CSMD3: variants seen among roughly 807,000 people sequenced by gnomAD.
The protein encoded by CSMD3 is CUB and sushi domain-containing protein 3.
A neutral mutation model predicts 435.2 loss-of-function variants in CSMD3; 177 were observed. The ratio of observed to expected loss-of-function variants is 0.41; its 90% CI spans 0.36 to 0.46. CSMD3 has a LOEUF of 0.46. CSMD3 is among the 20% of genes least tolerant of loss of function. The probability of loss-of-function intolerance (pLI) is 0.34; values close to 1 mark genes in which losing one functional copy is unlikely to be tolerated. For synonymous variants in CSMD3, 1,656 were observed against 1,520.5 expected, an observed-to-expected ratio of 1.09 and a Z score of -2.07; for missense variants, 4,265 against 4,504.6, an observed-to-expected ratio of 0.95 and a Z score of 1.52.
rs561444578 is a variant in CSMD3 at position 112,552,468 on chromosome 8, G to A, written c.4361+126C>T. 126 of 947,350 alleles carry A rather than the reference G, an allele frequency of 1.3e-4. No individual in the cohort carries two copies. The South Asian group carries it at 1.8e-3, about 14-fold the overall frequency. The allele number at this position is 947,350 out of a possible 1,614,324, so 58.7% of individuals were successfully genotyped here. A position where few individuals can be genotyped will look rare whatever the true frequency, so the allele number is the denominator to read the frequency against. On this transcript the variant is annotated intron_variant, in intron 26 of 70. Coordinates refer to ENST00000297405, the MANE Select transcript of CSMD3 (RefSeq NM_198123.2). ...GCCCTGCCTTCCGGTCTGGATGTCA[G>A]AGCAAGACTCTGCCTCAAGAAAAAC...
chr8:113,139,731 C>A (rs2131724283), intron 4 of CSMD3, among the ~76,000 whole-genome samples: 1 of 151,162 alleles, frequency 6.6e-6, no homozygotes, highest in East Asian at 1.9e-4. Flanking sequence ...AATATAAAAG[C>A]TCTAAATACA....
chr8:112,401,370 G>C (rs1294606015), intron 35 of CSMD3, among the ~76,000 whole-genome samples: 1 of 151,320 alleles, frequency 6.6e-6, no homozygotes, highest in Non-Finnish European at 1.5e-5. Context: ...TAATGTGACA[G>C]ATCATTTCTC....
chr8:112,314,555 G>T lies in CSMD3; in HGVS notation c.7423C>A (p.Pro2475Thr), dbSNP rs753434394. The change falls in exon 48 of 71, where the codon CCT (proline) becomes ACT (threonine). Residue 2475 changes from proline (P) to threonine (T), a missense_variant. Physicochemically the swap from Pro to Thr is conservative, Grantham distance 38. Coordinates refer to ENST00000297405, the MANE Select transcript of CSMD3 (RefSeq NM_198123.2). ...ATTTGAAGATTTGGGTAACTGTCAG[G>T]ATATCCAGGGCTCAATATGACTCCA... Reference protein sequence around the residue: ...STGVILSPGYPDSYPNLQMCA... With the variant: ...STGVILSPGYTDSYPNLQMCA... 4 of 1,612,354 alleles carry T rather than the reference G, an allele frequency of 2.5e-6. No individual in the cohort carries two copies. The South Asian group carries it at 4.4e-5, about 18-fold the overall frequency.
At chr8:112,583,392 T>G (rs1386083262) in intron 23 of CSMD3, among the ~76,000 whole-genome samples, 1 of 151,978 alleles carries the variant, frequency 6.6e-6, no homozygotes, top group Non-Finnish European at 1.5e-5. Flanking sequence ...TCAGAGCAGA[T>G]TTTGCACTGG....
At chr8:112,262,497 G>A (rs1301006065) in intron 61 of CSMD3, among the ~76,000 whole-genome samples, 1 of 152,116 alleles carries the variant, frequency 6.6e-6, no homozygotes, top group Non-Finnish European at 1.5e-5. Flanking sequence ...AAAATGTATA[G>A]TATGTCTTAG....
At chr8:112,386,655 G>T (rs547090204) in intron 36 of CSMD3, among the ~76,000 whole-genome samples, 2 of 151,876 alleles carry the variant, frequency 1.3e-5, no homozygotes, top group South Asian at 4.2e-4. Context: ...CCGCCACCAC[G>T]CCCGGCTAAT....
chr8:112,500,314 GA>G (rs781118375), intron 30 of CSMD3, among the ~76,000 whole-genome samples: 98 of 152,078 alleles, frequency 6.4e-4, no homozygotes, highest in Non-Finnish European at 3.1e-4. Flanking sequence ...TGAATGAAAG[GA>G]ACTAGTTTTT....
In CSMD3 at chr8:112,872,231, A is replaced by T. The variant is rs766111965; in HGVS notation, c.1634-12965T>A. 8.6e-4 allele frequency among the ~76,000 whole-genome samples: 131 copies of T among 152,218 alleles called. 2 individuals carry two copies. The highest frequency in any genetic ancestry group is 3.4e-3 in the Middle Eastern group (1 of 294). On this transcript the variant is annotated intron_variant, in intron 10 of 70. Coordinates refer to ENST00000297405, the MANE Select transcript of CSMD3 (RefSeq NM_198123.2). ...TTTAACTGAACATCCCAGTCTCTACATCTTCATGAGAAACTAATAAACTGT... is the reference window on the plus strand; with the variant it reads ...TTTAACTGAACATCCCAGTCTCTACTTCTTCATGAGAAACTAATAAACTGT...
At position 112,557,073 on chromosome 8, in the gene CSMD3, C is replaced by T; in HGVS notation, c.4043-119G>A. 6.1e-6 allele frequency: 4 copies of T among 657,180 alleles called. No individual in the cohort carries two copies. The South Asian group carries it at 7.3e-5, about 12-fold the overall frequency. 40.7% of individuals were successfully genotyped at this position (657,180 alleles called of 1,614,324 possible). ...TACATACTTATTCTTAGTCATATTGCCCTTACCATATTTAATTTTCGTATC... is the reference window on the plus strand; with the variant it reads ...TACATACTTATTCTTAGTCATATTGTCCTTACCATATTTAATTTTCGTATC... On this transcript the variant is annotated intron_variant, in intron 24 of 70. Transcript: ENST00000297405.
chr8:112,901,036 A>G (rs537001512), intron 10 of CSMD3, among the ~76,000 whole-genome samples: 2 of 151,368 alleles, frequency 1.3e-5, no homozygotes, highest in African/African-American at 4.8e-5. Context: ...TACTGGAGAG[A>G]GGTGGCAGAA....
At chr8:112,517,567 C>G (rs563753062) in intron 27 of CSMD3, among the ~76,000 whole-genome samples, 1 of 148,570 alleles carries the variant, frequency 6.7e-6, no homozygotes, top group Non-Finnish European at 1.5e-5. Context: ...TCTCGAAACT[C>G]AAAAAAAAAG....
Position 112,506,690 on chromosome 8 carries a change from C to A in CSMD3, c.4895+1G>T. On this transcript the variant is annotated splice_donor_variant, in intron 29 of 70. Transcript: ENST00000297405. LOFTEE classifies it high-confidence loss of function. ...GTGGAAATAAATATATAAGAACTCA[C>A]CTGATGAACGCCAAGGAGATAACAT... The A allele has an allele frequency of 6.2e-7, 1 of 1,613,402 alleles. No individual in the cohort carries two copies. The highest frequency in any genetic ancestry group is 8.5e-7 in the Non-Finnish European group (1 of 1,179,426).
chr8:112,381,122 T>A (rs1586933083), intron 37 of CSMD3, among the ~76,000 whole-genome samples: 1 of 152,186 alleles, frequency 6.6e-6, no homozygotes, highest in Non-Finnish European at 1.5e-5. Flanking sequence ...ATATAGTCAT[T>A]GATTTCCTTT....
chr8:112,805,617 G>A (rs1473202773), intron 12 of CSMD3, among the ~76,000 whole-genome samples: 7 of 152,138 alleles, frequency 4.6e-5, no homozygotes, highest in Non-Finnish European at 8.8e-5. Flanking sequence ...TAAATTTATT[G>A]CTCCATTCAC....
chr8:112,558,328 A>G (rs1376798367), intron 24 of CSMD3, among the ~76,000 whole-genome samples: 3 of 151,924 alleles, frequency 2.0e-5, no homozygotes, highest in Non-Finnish European at 4.4e-5. Context: ...GTCCTGCCCC[A>G]TACCCTGGAA....
intron 24 of CSMD3, among the ~76,000 whole-genome samples, chr8:112,572,537 T>G (rs1328381233): frequency 6.6e-6 from 1 of 152,080 alleles, no homozygotes. Flanking sequence ...ACTGTAACCT[T>G]TTTAACTTCT....
At chr8:112,532,591 T>C (rs917475366) in intron 27 of CSMD3, among the ~76,000 whole-genome samples, 8 of 152,042 alleles carry the variant, frequency 5.3e-5, no homozygotes, top group East Asian at 3.9e-4. Flanking sequence ...ACCAAGAATA[T>C]AGTAGTGAGA....
chr8:112,263,395 C>T (rs1816627883), intron 61 of CSMD3, among the ~76,000 whole-genome samples: 1 of 152,054 alleles, frequency 6.6e-6, no homozygotes, highest in Non-Finnish European at 1.5e-5. Flanking sequence ...TTAAGGCTGT[C>T]TCTAATTTGA....
chr8:112,343,007 A>ATATATATATATT (rs1825313848), intron 41 of CSMD3, among the ~76,000 whole-genome samples: 1 of 94,734 alleles, frequency 1.1e-5, no homozygotes, highest in Non-Finnish European at 2.7e-5. Flanking sequence ...ATATTTATAT[A>ATATATATATATT]TATATATATT....
Sources: gnomAD v4.1 joint callset for allele counts (sites outside exome capture counted in the v4.1 genomes callset) on GRCh38, gnomAD v4.1.1 for gene constraint, MANE v1.5 for transcripts, NCBI Gene and HGNC (gene_info 2026-07-23, HGNC 2026-07-21) for gene names.